MYO6: variants seen among roughly 807,000 people sequenced by gnomAD.
The protein encoded by MYO6 is unconventional myosin-VI.
MYO6 carries 74 observed loss-of-function variants against 178.7 expected under a neutral mutation model. The observed-to-expected ratio is 0.41, with a 90% confidence interval of 0.34 to 0.50. MYO6 has a LOEUF of 0.50. Ranked by LOEUF, MYO6 falls within the 20% of genes least tolerant of loss-of-function variation. The probability of loss-of-function intolerance (pLI) is 0.09; values close to 1 mark genes in which losing one functional copy is unlikely to be tolerated. For missense variants in MYO6, 1,330 were observed against 1,547.4 expected (o/e 0.86, Z 2.36); for synonymous variants, 477 against 504.6 (o/e 0.95, Z 0.73).
In MYO6 at chr6:75,841,045, A is replaced by G. The variant is rs868163831; in HGVS notation, c.652-169A>G. 2.0e-5 allele frequency among the ~76,000 whole-genome samples: 3 copies of G among 152,218 alleles called. No homozygotes were observed. In the South Asian group the frequency reaches 6.2e-4, roughly 32 times the overall value. ...TTAAAATGAAGGATGACCATTATAAATACTCTGTGCTTACGTTTAGTTATT... is the reference window on the plus strand; with the variant it reads ...TTAAAATGAAGGATGACCATTATAAGTACTCTGTGCTTACGTTTAGTTATT... On this transcript the variant is annotated intron_variant, in intron 8 of 34. Transcript: ENST00000369977.
At chr6:75,760,212 A>G (rs1057510106) in intron 1 of MYO6, among the ~76,000 whole-genome samples, 2 of 152,198 alleles carry the variant, frequency 1.3e-5, no homozygotes, top group Non-Finnish European at 2.9e-5. Flanking sequence ...GTTTGCTGTT[A>G]TCTTGCAGTT....
At chr6:75,913,124 TA>T (rs1357342596) in intron 33 of MYO6, among the ~76,000 whole-genome samples, 2 of 152,176 alleles carry the variant, frequency 1.3e-5, no homozygotes, top group African/African-American at 4.8e-5. Context: ...TGAGCTGCTG[TA>T]AATGGTTGTT....
intron 1 of MYO6, among the ~76,000 whole-genome samples, chr6:75,751,971 A>C (rs1776937101): frequency 6.6e-6 from 1 of 152,050 alleles, no homozygotes; most frequent in Admixed American, 6.6e-5. Context: ...TTATAACTTA[A>C]ATAAATCTCA....
chr6:75,802,603 T>G (rs1404744738), intron 1 of MYO6, among the ~76,000 whole-genome samples: 1 of 150,946 alleles, frequency 6.6e-6, no homozygotes, highest in South Asian at 2.1e-4. Flanking sequence ...CACTTCAGCC[T>G]CCCACCACGC....
chr6:75,901,087 A>G (rs928594520), intron 30 of MYO6, among the ~76,000 whole-genome samples: 1 of 152,098 alleles, frequency 6.6e-6, no homozygotes. Flanking sequence ...TGTTGCATTG[A>G]TCTATATCTC....
intron 3 of MYO6, among the ~76,000 whole-genome samples, chr6:75,826,835 C>T (rs1318714427): frequency 1.3e-5 from 2 of 151,978 alleles, no homozygotes; most frequent in Non-Finnish European, 2.9e-5. Context: ...ATCGCTTGAA[C>T]CCAGGAGGTG....
intron 30 of MYO6, among the ~76,000 whole-genome samples, chr6:75,904,964 A>T (rs1261679072): frequency 2.0e-5 from 3 of 152,124 alleles, no homozygotes; most frequent in Non-Finnish European, 4.4e-5. Flanking sequence ...CCTCAGCTGC[A>T]GGTCTGTTGG....
intron 1 of MYO6, among the ~76,000 whole-genome samples, chr6:75,771,189 A>G (rs796671720): frequency 1.3e-4 from 19 of 151,940 alleles, no homozygotes; most frequent in African/African-American, 3.9e-4. Flanking sequence ...TTTTGTAGAG[A>G]CAGGGTTTCA....
chr6:75,898,242 AAGTAAAACAGTTATGAAC>A, intron 29 of MYO6, 113 bp from the exon 30 acceptor site: 1 of 611,766 alleles, frequency 1.6e-6, no homozygotes, highest in Non-Finnish European at 2.7e-6. Flanking sequence ...GGCATTAACA[AAGTAAAACAGTTATGAAC>A]AGTTGTTAAA....
In MYO6 at chr6:75,750,454, G is replaced by A. The variant is rs117570187; in HGVS notation, c.-48+1031G>A. 8.5e-4 allele frequency among the ~76,000 whole-genome samples: 128 copies of A among 151,176 alleles called. 3 individuals carry two copies. The East Asian group carries it at 0.024, about 28-fold the overall frequency. On this transcript the variant is annotated intron_variant, in intron 1 of 34. Coordinates refer to ENST00000369977, the MANE Select transcript of MYO6 (RefSeq NM_004999.4). Reference sequence around the variant, plus strand: ...TGTGGTGGAGGGATGCTTAAATCCTGATTTACAAGTATTAGTGAGAAATGA... The same window carrying A: ...TGTGGTGGAGGGATGCTTAAATCCTAATTTACAAGTATTAGTGAGAAATGA...
chr6:75,790,084 C>T (rs925675016), intron 1 of MYO6, among the ~76,000 whole-genome samples: 2 of 152,010 alleles, frequency 1.3e-5, no homozygotes, highest in African/African-American at 4.8e-5. Context: ...TTTTTTGTGG[C>T]GGAATACTAT....
rs1767722191 is a variant in MYO6 at position 75,787,684 on chromosome 6, C to A, written c.-47-29817C>A. Among the ~76,000 whole-genome samples the A allele has an allele frequency of 2.7e-3, 40 of 14,630 alleles. No individual in the cohort carries two copies. The East Asian group carries it at 0.034, about 12-fold the overall frequency. 9.6% of individuals were successfully genotyped at this position (14,630 alleles called of 152,430 possible). On this transcript the variant is annotated intron_variant, in intron 1 of 34. Coordinates refer to ENST00000369977, the MANE Select transcript of MYO6 (RefSeq NM_004999.4). ...ATGGGGGAATGGAACTATTCTCTCT[C>A]TCTCTCTCTCTCTCTCTCTCTCTCT...
At chr6:75,749,964 C>T (rs1302836014) in intron 1 of MYO6, among the ~76,000 whole-genome samples, 1 of 151,930 alleles carries the variant, frequency 6.6e-6, no homozygotes. Context: ...TTGTTAATTT[C>T]CAAAAACTCC....
intron 1 of MYO6, among the ~76,000 whole-genome samples, chr6:75,814,996 A>C (rs1009915658): frequency 4.6e-5 from 7 of 152,242 alleles, no homozygotes; most frequent in Admixed American, 3.3e-4. Flanking sequence ...CCTTAGGGAC[A>C]CAGAGAGGAG....
Position 75,891,225 on chromosome 6 carries a change from T to C in MYO6, c.2868-3T>C, listed in dbSNP as rs781769516. 2 of 1,595,848 alleles carry C rather than the reference T, an allele frequency of 1.3e-6. No individual in the cohort carries two copies. Among genetic ancestry groups the C allele is most frequent in the African/African-American group, 2.7e-5 (2 of 74,264 alleles). On this transcript the variant is annotated splice_region_variant and splice_polypyrimidine_tract_variant and intron_variant, in intron 26 of 34. Coordinates refer to ENST00000369977, the MANE Select transcript of MYO6 (RefSeq NM_004999.4). ...TTTTGAAGAGTTTTCTATTTTTTAT[T>C]AGGAAACTTGAGATGGAAGCAAAGA...
intron 30 of MYO6, among the ~76,000 whole-genome samples, chr6:75,906,976 C>A (rs888072662): frequency 5.3e-5 from 8 of 152,172 alleles, no homozygotes; most frequent in Admixed American, 5.2e-4. Context: ...GTTCTTATAG[C>A]AGTGAAGCCT....
rs762544424 is a variant in MYO6 at position 75,879,825 on chromosome 6, G to T, written c.2083G>T (p.Val695Leu). 2 of 1,614,120 alleles carry T rather than the reference G, an allele frequency of 1.2e-6. No individual in the cohort carries two copies. The part of the protein sequence containing the change: ...ILSQLQCSGM[V>L]SVLDLMQGGY... ...GTGCTTGTTCGTGAATCTAGGGATG[G>T]TGTCTGTTTTGGACTTGATGCAGGG... Residue 695 changes from valine to leucine, a missense_variant, in exon 21 of 35, where the codon GTG becomes TTG. Transcript: ENST00000369977.
Position 75,907,601 on chromosome 6 carries a change from A to G in MYO6, c.3177-4A>G, listed in dbSNP as rs1354140956. ...AAACATGCAAAAATGTGTAATAATT[A>G]CAGAGGTCCTGCTGTACTAGCCACC... is the stretch of plus-strand genomic sequence containing the variant. On this transcript the variant is annotated splice_region_variant and splice_polypyrimidine_tract_variant and intron_variant, in intron 30 of 34. Transcript: ENST00000369977. 2 of 1,606,312 alleles carry G rather than the reference A, an allele frequency of 1.2e-6. No homozygotes were observed. The highest frequency in any genetic ancestry group is 1.1e-5 in the South Asian group (1 of 90,952).
intron 1 of MYO6, among the ~76,000 whole-genome samples, chr6:75,760,262 T>C (rs1010948125): frequency 6.6e-6 from 1 of 152,188 alleles, no homozygotes. Flanking sequence ...TAGTTAATCT[T>C]AGTTCTGGCA....
Sources: allele counts gnomAD v4.1 joint callset (sites outside exome capture counted in the v4.1 genomes callset), GRCh38; gene constraint gnomAD v4.1.1; transcripts MANE v1.5; gene names NCBI Gene and HGNC (gene_info 2026-07-23, HGNC 2026-07-21).